PTPRR: variants seen among roughly 807,000 people sequenced by gnomAD.
PTPRR encodes receptor-type tyrosine-protein phosphatase R.
In PTPRR, 38 loss-of-function variants were observed where a neutral mutation model predicts 77.2. The observed-to-expected ratio is 0.49, with a 90% CI of 0.38 to 0.65. PTPRR has a LOEUF of 0.65. Ranked by LOEUF, PTPRR falls within the 30% of genes least tolerant of loss-of-function variation. The pLI is 0.00. For missense variants in PTPRR, 744 were observed against 799.2 expected, an observed-to-expected ratio of 0.93 and a Z score of 0.83; for synonymous variants, 299 against 283.1, an observed-to-expected ratio of 1.06 and a Z score of -0.57.
chr12:70,847,015 A>G (rs187214989), intron 2 of PTPRR, among the ~76,000 whole-genome samples: 308 of 152,258 alleles, frequency 2.0e-3, no homozygotes, highest in Non-Finnish European at 3.8e-3. Flanking sequence ...TGGGGTGTCC[A>G]GGCACTGTAC....
At chr12:70,847,676 C>A (rs929476824) in intron 2 of PTPRR, among the ~76,000 whole-genome samples, 2 of 152,022 alleles carry the variant, frequency 1.3e-5, no homozygotes, top group African/African-American at 4.8e-5. Context: ...TGGGATTTGT[C>A]CATAATGAGC....
chr12:70,676,354 G>A (rs1887445524), intron 10 of PTPRR, among the ~76,000 whole-genome samples: 1 of 151,738 alleles, frequency 6.6e-6, no homozygotes, highest in Admixed American at 6.6e-5. Flanking sequence ...AATCTTCATA[G>A]CCTTTTTGGA....
rs540963758 is a variant in PTPRR, at chr12:70,672,104, C to T, written c.1498-9499G>A. On this transcript the variant is annotated intron_variant, in intron 10 of 13. Transcript: ENST00000283228. Reference sequence around the variant, plus strand: ...CCTCAATGCCTTTGACTCTATGCTCCCCAAAATGATGACACAGTTCCTAGA... The same window carrying T: ...CCTCAATGCCTTTGACTCTATGCTCTCCAAAATGATGACACAGTTCCTAGA... 2.9e-6 allele frequency: 4 copies of T among 1,387,744 alleles called. No individual in the cohort carries two copies. The African/African-American group carries it at 4.2e-5, about 15-fold the overall frequency. 86.0% of individuals were successfully genotyped at this position (1,387,744 alleles called of 1,614,324 possible).
intron 2 of PTPRR, among the ~76,000 whole-genome samples, chr12:70,782,261 C>A (rs188870503): frequency 6.6e-5 from 10 of 151,996 alleles, no homozygotes; most frequent in African/African-American, 2.4e-4. Context: ...GAGCGAATAC[C>A]AATCAAAAAC....
chr12:70,769,153 T>C lies in PTPRR; in HGVS notation c.358-4375A>G, dbSNP rs1349148724. On this transcript the variant is annotated intron_variant, in intron 2 of 13. Transcript: ENST00000283228. Reference sequence around the variant, plus strand: ...CTATTCAACATAGTGTTGGAAGTTCTGGCCAGGGCAATTAGGCAGGAGAAG... The same window carrying C: ...CTATTCAACATAGTGTTGGAAGTTCCGGCCAGGGCAATTAGGCAGGAGAAG... 3.8e-4 allele frequency among the ~76,000 whole-genome samples: 54 copies of C among 143,192 alleles called. 1 individual carries two copies. Among genetic ancestry groups the C allele is most frequent in the African/African-American group, 1.4e-3 (49 of 36,112 alleles). The allele number at this position is 143,192 out of a possible 152,430, so 93.9% of individuals were successfully genotyped here.
intron 13 of PTPRR, among the ~76,000 whole-genome samples, chr12:70,648,836 A>G (rs1282774867): frequency 6.6e-6 from 1 of 151,984 alleles, no homozygotes; most frequent in Non-Finnish European, 1.5e-5. Flanking sequence ...TAAATAAAAC[A>G]TTCGTGGGTG....
At chr12:70,722,953 A>T (rs1013899057) in intron 6 of PTPRR, among the ~76,000 whole-genome samples, 1 of 152,196 alleles carries the variant, frequency 6.6e-6, no homozygotes. Context: ...TCTTGGCAGC[A>T]TTTATATTTA....
intron 13 of PTPRR, among the ~76,000 whole-genome samples, chr12:70,642,438 G>A (rs1886040242): frequency 6.6e-6 from 1 of 151,968 alleles, no homozygotes; most frequent in Non-Finnish European, 1.5e-5. Context: ...GTGTCTCCCA[G>A]GTATTTAACA....
At chr12:70,895,509 C>A (rs1893412055) in intron 1 of PTPRR, among the ~76,000 whole-genome samples, 1 of 151,440 alleles carries the variant, frequency 6.6e-6, no homozygotes, top group South Asian at 2.1e-4. Context: ...TTAGTCCTGC[C>A]TTGTTCCTGA....
chr12:70,888,444 G>T (rs1592816381), intron 2 of PTPRR, among the ~76,000 whole-genome samples: 1 of 151,766 alleles, frequency 6.6e-6, no homozygotes, highest in African/African-American at 2.4e-5. Flanking sequence ...TTGTAAATTT[G>T]CATGCATGTA....
intron 13 of PTPRR, among the ~76,000 whole-genome samples, chr12:70,643,700 A>G (rs1886093291): frequency 6.6e-6 from 1 of 152,144 alleles, no homozygotes; most frequent in Admixed American, 6.5e-5. Context: ...ATCTGGATCT[A>G]TATTACTGAT....
At chr12:70,899,449 T>C (rs917417822) in intron 1 of PTPRR, among the ~76,000 whole-genome samples, 2 of 151,370 alleles carry the variant, frequency 1.3e-5, no homozygotes, top group African/African-American at 4.8e-5. Context: ...CCCACTCTAC[T>C]GAGAGTCTAA....
At chr12:70,722,204 T>C (rs1423585800) in intron 6 of PTPRR, among the ~76,000 whole-genome samples, 1 of 152,108 alleles carries the variant, frequency 6.6e-6, no homozygotes, top group East Asian at 1.9e-4. Context: ...CTCGGGTGAA[T>C]AAGAATGCTT....
chr12:70,722,270 C>T (rs934146291), intron 6 of PTPRR, among the ~76,000 whole-genome samples: 1 of 152,152 alleles, frequency 6.6e-6, no homozygotes, highest in East Asian at 1.9e-4. Flanking sequence ...TCCGGTCCAA[C>T]ATACCTGCCC....
intron 5 of PTPRR, among the ~76,000 whole-genome samples, chr12:70,753,019 A>G (rs1181571271): frequency 6.6e-6 from 1 of 152,160 alleles, no homozygotes; most frequent in Non-Finnish European, 1.5e-5. Context: ...TTGAGTCACA[A>G]TTCTTAGAAA....
At chr12:70,761,414 A>ACC in intron 4 of PTPRR, 57 bp downstream of exon 4, 1 of 1,428,074 alleles carries the variant, frequency 7.0e-7, no homozygotes, top group Non-Finnish European at 9.3e-7. Context: ...GGGTTGAATT[A>ACC]CCATAGCATG....
intron 2 of PTPRR, among the ~76,000 whole-genome samples, chr12:70,830,309 C>T (rs767587562): frequency 3.9e-5 from 6 of 152,152 alleles, no homozygotes; most frequent in Non-Finnish European, 5.9e-5. Context: ...TTCTCACTCA[C>T]GCACTCCATG....
rs2136959557 is a variant in PTPRR at position 70,760,206 on chromosome 12, T to C, written c.627+1265A>G. Reference sequence around the variant, plus strand: ...CCATATTTCAAGTTTATAAGTGCTATACCCATTTTGGATTTGAAGAAACTA... The same window carrying C: ...CCATATTTCAAGTTTATAAGTGCTACACCCATTTTGGATTTGAAGAAACTA... On this transcript the variant is annotated intron_variant, in intron 4 of 13. Coordinates refer to ENST00000283228, the MANE Select transcript of PTPRR (RefSeq NM_002849.4). Among the ~76,000 whole-genome samples the C allele has an allele frequency of 2.0e-5, 3 of 152,334 alleles. No individual in the cohort carries two copies. The Middle Eastern group carries it at 0.01, about 518-fold the overall frequency.
chr12:70,792,163 C>T (rs575106242), intron 2 of PTPRR, among the ~76,000 whole-genome samples: 5 of 152,268 alleles, frequency 3.3e-5, no homozygotes, highest in South Asian at 4.2e-4. Flanking sequence ...AGATAATGGT[C>T]TACTACGTCA....
Sources: gnomAD v4.1 joint callset for allele counts (sites outside exome capture counted in the v4.1 genomes callset) on GRCh38, gnomAD v4.1.1 for gene constraint, MANE v1.5 for transcripts, NCBI Gene and HGNC (gene_info 2026-07-23, HGNC 2026-07-21) for gene names.